Variants in LRGUK observed in about 807,000 individuals in gnomAD.
LRGUK encodes leucine rich repeats and guanylate kinase domain containing.
In LRGUK, 65 loss-of-function variants were observed where a neutral mutation model predicts 76.0. The observed-to-expected ratio is 0.85, with a 90% confidence interval of 0.70 to 1.05. The LOEUF (loss-of-function observed/expected upper bound fraction) is 1.05, where lower values mean the gene tolerates loss of function less well. Among genes scored for constraint, LRGUK ranks in the 50% least tolerant of loss-of-function variants. The probability of loss-of-function intolerance (pLI) is 0.00; values close to 1 mark genes in which losing one functional copy is unlikely to be tolerated. For synonymous variants in LRGUK, 268 were observed against 265.6 expected (o/e 1.01, Z -0.09); for missense variants, 758 against 732.8 (o/e 1.03, Z -0.40).
At chr7:134,248,713 A>T (rs1563199539) in intron 17 of LRGUK, among the ~76,000 whole-genome samples, 1 of 152,208 alleles carries the variant, frequency 6.6e-6, no homozygotes, top group Non-Finnish European at 1.5e-5. Flanking sequence ...TAGTACTTTA[A>T]TGGCTATGGA....
Position 134,199,543 on chromosome 7 carries a change from G to C in LRGUK, c.1747+122G>C, listed in dbSNP as rs145484101. On this transcript the variant is annotated intron_variant, in intron 14 of 15. Coordinates refer to ENST00000645682, the Ensembl canonical transcript of LRGUK. ...TTCTTGTAACGGTGAATCACAAAGAGCTGCGAAAAGGGGTAAGAATCCAAG... is the reference window on the plus strand; with the variant it reads ...TTCTTGTAACGGTGAATCACAAAGACCTGCGAAAAGGGGTAAGAATCCAAG... 4.5e-4 allele frequency: 349 copies of C among 769,114 alleles called. 2 individuals carry two copies. In the East Asian group the frequency reaches 8.4e-3, roughly 18 times the overall value. The allele number at this position is 769,114 out of a possible 1,614,324, so 47.6% of individuals were successfully genotyped here.
chr7:134,141,809 C>T (rs1385914159), intron 3 of LRGUK: 5 of 152,286 alleles, frequency 3.3e-5, no homozygotes, highest in East Asian at 1.9e-4. Context: ...TAGGTTTCCT[C>T]GAAGAGTTCT....
chr7:134,148,322 A>G lies in LRGUK; in HGVS notation c.670+3A>G. 6.5e-7 allele frequency: 1 copy of G among 1,535,400 alleles called. No homozygotes were observed. The highest frequency in any genetic ancestry group is 8.9e-7 in the Non-Finnish European group (1 of 1,125,810). ...TCTCACTAAACTAATTTTGGATGGT[A>G]TCCTTTGAATAAGTAAAGGGGAAAA... On this transcript the variant is annotated splice_donor_region_variant and intron_variant, in intron 5 of 15. Transcript: ENST00000645682.
chr7:134,137,031 T>C, exon 2 of LRGUK: 1 of 1,612,876 alleles, frequency 6.2e-7, no homozygotes, highest in Non-Finnish European at 8.5e-7. Context: ...AGGAGGAATT[T>C]GATGGGGTCC....
intron 1 of LRGUK, among the ~76,000 whole-genome samples, chr7:134,132,347 C>T (rs1797347412): frequency 6.6e-6 from 1 of 151,776 alleles, no homozygotes; most frequent in Non-Finnish European, 1.5e-5. Context: ...AGAGAAAGAC[C>T]TTGTCTCAAA....
chr7:134,172,274 G>C lies in LRGUK; in HGVS notation c.940-2282G>C, dbSNP rs549485636. 3.3e-5 allele frequency among the ~76,000 whole-genome samples: 5 copies of C among 152,044 alleles called. No individual in the cohort carries two copies. In the South Asian group the frequency reaches 1.0e-3, roughly 32 times the overall value. ...AATTCATACTTGTTTTACTTTTACT[G>C]ATAATGTTAGACTGAATATTCTTGT... On this transcript the variant is annotated intron_variant, in intron 7 of 15. Coordinates refer to ENST00000645682, the Ensembl canonical transcript of LRGUK.
intron 7 of LRGUK, among the ~76,000 whole-genome samples, chr7:134,166,381 A>G (rs1378348193): frequency 2.0e-5 from 3 of 152,106 alleles, no homozygotes; most frequent in African/African-American, 4.8e-5. Context: ...TAGATTTTAT[A>G]TCATTTCCAG....
chr7:134,163,253 T>C (rs1418419557), intron 6 of LRGUK, 144 bp from the exon 7 acceptor site: 1 of 634,472 alleles, frequency 1.6e-6, no homozygotes, highest in Non-Finnish European at 2.6e-6. Context: ...AGGTGAATGA[T>C]GGAAATGGGA....
chr7:134,259,811 C>T (rs985042762), intron 19 of LRGUK, among the ~76,000 whole-genome samples: 1 of 152,138 alleles, frequency 6.6e-6, no homozygotes. Context: ...AAGGCTGGGA[C>T]CTGCCACTCC....
At chr7:134,252,838 C>A (rs1310884522) in intron 18 of LRGUK, among the ~76,000 whole-genome samples, 1 of 152,186 alleles carries the variant, frequency 6.6e-6, no homozygotes, top group Non-Finnish European at 1.5e-5. Flanking sequence ...GGGTCAAGGA[C>A]AGGCCCAGAT....
exon 1 of LRGUK, chr7:134,127,377 T>C: frequency 1.3e-6 from 2 of 1,522,012 alleles, no homozygotes; most frequent in Non-Finnish European, 1.8e-6. Flanking sequence ...GATGGCGACC[T>C]CCGAGAGGGC....
chr7:134,257,596 A>G (rs1240029977), intron 18 of LRGUK, among the ~76,000 whole-genome samples: 1 of 152,192 alleles, frequency 6.6e-6, no homozygotes, highest in African/African-American at 2.4e-5. Context: ...ACCTGAGGTC[A>G]GGAGTTCGAG....
intron 12 of LRGUK, among the ~76,000 whole-genome samples, chr7:134,196,676 C>T (rs1239900058): frequency 6.6e-6 from 1 of 152,078 alleles, no homozygotes; most frequent in African/African-American, 2.4e-5. Context: ...GGTTTTGGTG[C>T]GGGTTTGGCA....
chr7:134,247,504 C>G, intron 16 of LRGUK, 52 bp from the exon 17 acceptor site: 1 of 1,284,242 alleles, frequency 7.8e-7, no homozygotes, highest in South Asian at 1.2e-5. Context: ...ATGTTTTAAT[C>G]ATCTGACATT....
chr7:134,184,336 C>A (rs1206886510), intron 11 of LRGUK, among the ~76,000 whole-genome samples: 47 of 150,708 alleles, frequency 3.1e-4, no homozygotes, highest in Non-Finnish European at 1.5e-5. Flanking sequence ...GTGGTGCGAT[C>A]TCGGCTCACT....
At chr7:134,275,451 T>C in the LRGUK span, among the ~76,000 whole-genome samples, 1 of 152,122 alleles carries the variant, frequency 6.6e-6, no homozygotes, top group African/African-American at 2.4e-5. Context: ...GCAGGAGAGA[T>C]GAGAGGTGAG....
intron 7 of LRGUK, among the ~76,000 whole-genome samples, chr7:134,172,417 A>G (rs1799293261): frequency 6.6e-6 from 1 of 152,210 alleles, no homozygotes; most frequent in African/African-American, 2.4e-5. Context: ...CCAGATGGTG[A>G]TGCTTAGAGA....
At chr7:134,217,295 G>GT (rs1801461548) in intron 15 of LRGUK, among the ~76,000 whole-genome samples, 1 of 151,752 alleles carries the variant, frequency 6.6e-6, no homozygotes, top group Admixed American at 6.6e-5. Flanking sequence ...GGAAAAGAAC[G>GT]TTTTTGTACT....
At chr7:134,158,729 G>A (rs1194680012) in intron 6 of LRGUK, among the ~76,000 whole-genome samples, 3 of 152,040 alleles carry the variant, frequency 2.0e-5, no homozygotes, top group Non-Finnish European at 4.4e-5. Flanking sequence ...GCACTCTTTC[G>A]AAGCTGTGTG....
Sources: allele counts gnomAD v4.1 joint callset (sites outside exome capture counted in the v4.1 genomes callset), GRCh38; gene constraint gnomAD v4.1.1; transcripts MANE v1.5; gene names NCBI Gene and HGNC (gene_info 2026-07-23, HGNC 2026-07-21).